Variants in ZNF277 observed in about 807,000 individuals in gnomAD.
The protein encoded by ZNF277 is nuclear receptor-interacting factor 4.
In ZNF277, 55 loss-of-function variants were observed where a neutral mutation model predicts 60.7. The observed-to-expected ratio is 0.91, with a 90% CI of 0.73 to 1.13. The LOEUF (loss-of-function observed/expected upper bound fraction) is 1.13, where lower values mean the gene tolerates loss of function less well. Among genes scored for constraint, ZNF277 ranks in the 50% most tolerant of loss-of-function variants. The pLI is 0.00. For synonymous variants in ZNF277, 178 were observed against 179.3 expected, an observed-to-expected ratio of 0.99 and a Z score of 0.06; for missense variants, 510 against 523.0, an observed-to-expected ratio of 0.98 and a Z score of 0.24.
chr7:112,279,808 T>C (rs1019754326), intron 1 of ZNF277, among the ~76,000 whole-genome samples: 1 of 152,174 alleles, frequency 6.6e-6, no homozygotes, highest in African/African-American at 2.4e-5. Flanking sequence ...GAAAATATAT[T>C]TACTACTCAA....
chr7:112,225,878 T>C (rs1822161435), intron 1 of ZNF277, among the ~76,000 whole-genome samples: 1 of 152,322 alleles, frequency 6.6e-6, no homozygotes, highest in Non-Finnish European at 1.5e-5. Flanking sequence ...AGAAAAGTAT[T>C]ATGATACTAC....
At chr7:112,248,370 C>G (rs1791130442) in intron 1 of ZNF277, among the ~76,000 whole-genome samples, 1 of 149,592 alleles carries the variant, frequency 6.7e-6, no homozygotes, top group South Asian at 2.1e-4. Context: ...ATAAAGAGAA[C>G]AGCATTAAAA....
intron 1 of ZNF277, among the ~76,000 whole-genome samples, chr7:112,270,292 G>C (rs1791639723): frequency 6.6e-6 from 1 of 152,132 alleles, no homozygotes. Context: ...CTAACCCTGG[G>C]TATAGACCTC....
chr7:112,250,158 C>T (rs142978186), intron 1 of ZNF277, among the ~76,000 whole-genome samples: 1,835 of 152,170 alleles, frequency 0.012, 38 homozygotes, highest in African/African-American at 0.041. Context: ...CCTGGCCCCC[C>T]GGGCGTTTAG....
intron 1 of ZNF277, among the ~76,000 whole-genome samples, chr7:112,275,137 A>G (rs1791763693): frequency 1.3e-5 from 2 of 152,188 alleles, no homozygotes; most frequent in Admixed American, 1.3e-4. Context: ...TTGAAAAATC[A>G]TCCTACATTT....
chr7:112,221,490 G>A (rs1238121987), intron 1 of ZNF277, among the ~76,000 whole-genome samples: 2 of 152,176 alleles, frequency 1.3e-5, no homozygotes, highest in Non-Finnish European at 2.9e-5. Flanking sequence ...TTTTTCCACA[G>A]ACTGGGTTTT....
intron 1 of ZNF277, among the ~76,000 whole-genome samples, chr7:112,244,472 A>G (rs1791034176): frequency 6.6e-6 from 1 of 152,126 alleles, no homozygotes. Context: ...TTTTGGTTAT[A>G]ATTTAAATCG....
chr7:112,243,306 C>T (rs1272028529), intron 1 of ZNF277, among the ~76,000 whole-genome samples: 1 of 151,734 alleles, frequency 6.6e-6, no homozygotes, highest in Non-Finnish European at 1.5e-5. Context: ...AAAGCAAATG[C>T]AACAAAAACA....
At chr7:112,314,982 A>T (rs533288808) in intron 4 of ZNF277, among the ~76,000 whole-genome samples, 1 of 152,208 alleles carries the variant, frequency 6.6e-6, no homozygotes, top group South Asian at 2.1e-4. Flanking sequence ...CTAATTTTTT[A>T]AAGGTTCATT....
rs367618830 is a variant in ZNF277 at position 112,206,697 on chromosome 7, C to G, written c.-20C>G. 1 of 1,611,960 alleles carries G rather than the reference C, an allele frequency of 6.2e-7. No individual in the cohort carries two copies. Among genetic ancestry groups the G allele is most frequent in the Non-Finnish European group, 8.5e-7 (1 of 1,179,262 alleles). On this transcript the variant is annotated 5_prime_UTR_variant, in exon 1 of 12. Coordinates refer to ENST00000361822, the MANE Select transcript of ZNF277 (RefSeq NM_021994.3). ...CCTCCGACCCGCCCTGCGGCCCTCC[C>G]TTTTCTTTTCTGCCGGGTAATGGCT...
At chr7:112,324,463 A>T (rs1793055041) in intron 5 of ZNF277, among the ~76,000 whole-genome samples, 1 of 152,246 alleles carries the variant, frequency 6.6e-6, no homozygotes, top group South Asian at 2.1e-4. Context: ...TTTAAAAATT[A>T]AAGAAGTAAT....
intron 1 of ZNF277, among the ~76,000 whole-genome samples, chr7:112,250,257 G>A (rs1025100139): frequency 1.8e-4 from 28 of 151,748 alleles, no homozygotes; most frequent in African/African-American, 5.1e-4. Flanking sequence ...GGAAATTCCC[G>A]CCTAATAAAT....
At chr7:112,228,648 C>G (rs537518953) in intron 1 of ZNF277, among the ~76,000 whole-genome samples, 22 of 152,036 alleles carry the variant, frequency 1.4e-4, no homozygotes, top group African/African-American at 4.1e-4. Flanking sequence ...GCTTTTCCAA[C>G]ACTCTTATTT....
intron 2 of ZNF277, among the ~76,000 whole-genome samples, chr7:112,293,054 T>C (rs1404106994): frequency 6.6e-6 from 1 of 152,208 alleles, no homozygotes; most frequent in Admixed American, 6.5e-5. Context: ...TTATCAACAA[T>C]TTATTTTGCA....
intron 1 of ZNF277, among the ~76,000 whole-genome samples, chr7:112,273,925 C>T (rs960257006): frequency 3.3e-5 from 5 of 151,982 alleles, no homozygotes; most frequent in African/African-American, 1.2e-4. Context: ...TCAGCTAAGA[C>T]TTGCCTAATT....
At chr7:112,236,186 T>C (rs1393155058) in intron 1 of ZNF277, among the ~76,000 whole-genome samples, 3 of 152,104 alleles carry the variant, frequency 2.0e-5, no homozygotes, top group African/African-American at 7.2e-5. Context: ...GCTTTAACTT[T>C]GTTCTCCTTT....
At position 112,342,725 on chromosome 7, in the gene ZNF277, T is replaced by C. The variant is rs1793469364; in HGVS notation, c.1349T>C (p.Leu450Pro). The C allele has an allele frequency of 6.3e-7, 1 of 1,589,018 alleles. No homozygotes were observed. The highest frequency in any genetic ancestry group is 8.6e-7 in the Non-Finnish European group (1 of 1,168,972). The part of the protein sequence containing the change: ...KQSSILNQLL[L>P] The stretch of plus-strand genomic sequence containing the variant: ...AGCAGTATTTTGAACCAGTTGCTAC[T>C]ATAAGAGTACTTGAAAACCTAGAAG... Residue 450 changes from leucine to proline, a missense_variant, in exon 12 of 12, where the codon CTA becomes CCA. Coordinates refer to ENST00000361822, the MANE Select transcript of ZNF277 (RefSeq NM_021994.3).
chr7:112,306,477 A>G (rs886321438), intron 4 of ZNF277, among the ~76,000 whole-genome samples: 1 of 152,006 alleles, frequency 6.6e-6, no homozygotes, highest in South Asian at 2.1e-4. Context: ...GGCCTCCCAA[A>G]GTGTTGGGAT....
intron 4 of ZNF277, among the ~76,000 whole-genome samples, chr7:112,306,276 G>T (rs527296329): frequency 6.8e-6 from 1 of 146,252 alleles, no homozygotes; most frequent in African/African-American, 2.6e-5. Context: ...ATGCAATGGC[G>T]CAATTTCAGC....
Sources: gnomAD v4.1 joint callset for allele counts (sites outside exome capture counted in the v4.1 genomes callset) on GRCh38, gnomAD v4.1.1 for gene constraint, MANE v1.5 for transcripts, NCBI Gene and HGNC (gene_info 2026-07-23, HGNC 2026-07-21) for gene names.